TMEM132B: variants seen among roughly 807,000 people sequenced by gnomAD.
TMEM132B encodes the protein transmembrane protein 132B.
TMEM132B carries 18 observed loss-of-function variants against 90.8 expected under a neutral mutation model. The ratio of observed to expected loss-of-function variants is 0.20; its 90% confidence interval spans 0.14 to 0.29. TMEM132B has a LOEUF of 0.29. TMEM132B is among the 10% of genes least tolerant of loss of function. The pLI is 1.00. For missense variants in TMEM132B, 1,096 were observed against 1,326.8 expected (o/e 0.83, Z 2.70); for synonymous variants, 504 against 523.3 (o/e 0.96, Z 0.50).
chr12:125,495,182 C>T (rs1235732201), intron 3 of TMEM132B, among the ~76,000 whole-genome samples: 1 of 135,960 alleles, frequency 7.4e-6, no homozygotes. Flanking sequence ...CCTCTTCCCC[C>T]TCCTCCCTGG....
At chr12:125,497,004 G>C (rs1882579615) in intron 3 of TMEM132B, among the ~76,000 whole-genome samples, 1 of 152,204 alleles carries the variant, frequency 6.6e-6, no homozygotes, top group African/African-American at 2.4e-5. Flanking sequence ...TAACATGGTT[G>C]ATGAAATGCA....
chr12:125,332,592 T>C (rs1255284216), intron 1 of TMEM132B, among the ~76,000 whole-genome samples: 1 of 38,076 alleles, frequency 2.6e-5, no homozygotes, highest in African/African-American at 2.8e-4. Context: ...GCTTTTTTTT[T>C]TTTTTTTTTT....
chr12:125,317,690 T>G (rs1031741244), intron 1 of TMEM132B, among the ~76,000 whole-genome samples: 1 of 152,154 alleles, frequency 6.6e-6, no homozygotes, highest in Non-Finnish European at 1.5e-5. Flanking sequence ...GGGCTGGGCT[T>G]TCACCTGGAG....
At chr12:125,334,373 C>T (rs916301181) in intron 1 of TMEM132B, among the ~76,000 whole-genome samples, 3 of 140,084 alleles carry the variant, frequency 2.1e-5, no homozygotes, top group South Asian at 4.7e-4. Flanking sequence ...CCTCTCCCTT[C>T]GCCTCCTGGT....
chr12:125,377,616 G>C (rs944920756), intron 2 of TMEM132B, among the ~76,000 whole-genome samples: 2 of 152,028 alleles, frequency 1.3e-5, no homozygotes, highest in African/African-American at 2.4e-5. Flanking sequence ...CCTGGCTCAG[G>C]GATCTAATTA....
chr12:125,375,005 C>T (rs1324181346), intron 2 of TMEM132B, among the ~76,000 whole-genome samples: 1 of 152,082 alleles, frequency 6.6e-6, no homozygotes, highest in Non-Finnish European at 1.5e-5. Context: ...GATTTGCTGA[C>T]CATAAGAACT....
chr12:125,642,936 A>ATTTT (rs143813236), intron 5 of TMEM132B, among the ~76,000 whole-genome samples: 1 of 150,916 alleles, frequency 6.6e-6, no homozygotes, highest in South Asian at 2.1e-4. Flanking sequence ...TATTAGTGCC[A>ATTTT]TTTTTTTTTG....
intron 5 of TMEM132B, among the ~76,000 whole-genome samples, chr12:125,630,943 T>C (rs1214205304): frequency 6.6e-6 from 1 of 152,146 alleles, no homozygotes; most frequent in African/African-American, 2.4e-5. Context: ...AAAACAACTT[T>C]TTGTTTCATT....
intron 1 of TMEM132B, among the ~76,000 whole-genome samples, chr12:125,334,687 T>C (rs541688269): frequency 6.6e-6 from 1 of 152,328 alleles, no homozygotes. Context: ...CCATGCACAA[T>C]GGATTCACTG....
chr12:125,409,226 A>G lies in TMEM132B; in HGVS notation c.960-6305A>G, dbSNP rs900028679. 2.0e-5 allele frequency among the ~76,000 whole-genome samples: 3 copies of G among 152,188 alleles called. No homozygotes were observed. The East Asian group carries it at 5.8e-4, about 29-fold the overall frequency. ...CCCTAGAATGCCTGCTGAGCCAGCC[A>G]CAAGGGAAGAGGGACTGAGATAGGC... On this transcript the variant is annotated intron_variant, in intron 2 of 8. Transcript: ENST00000682704.
At chr12:125,609,700 C>G (rs1290689526) in intron 5 of TMEM132B, among the ~76,000 whole-genome samples, 3 of 151,068 alleles carry the variant, frequency 2.0e-5, no homozygotes, top group Admixed American at 6.6e-5. Context: ...GCCTGTAGTC[C>G]CAGCCACTTG....
intron 1 of TMEM132B, among the ~76,000 whole-genome samples, chr12:125,290,178 A>G (rs1875497759): frequency 6.6e-6 from 1 of 152,226 alleles, no homozygotes; most frequent in Non-Finnish European, 1.5e-5. Flanking sequence ...AATTCATTCA[A>G]GTAGCTCATT....
At chr12:125,444,122 C>T (rs1566038264) in intron 3 of TMEM132B, among the ~76,000 whole-genome samples, 2 of 152,176 alleles carry the variant, frequency 1.3e-5, no homozygotes, top group African/African-American at 4.8e-5. Context: ...GAATCTGTAA[C>T]AGGCTAAAAC....
intron 5 of TMEM132B, among the ~76,000 whole-genome samples, chr12:125,633,822 A>C (rs1370711145): frequency 2.0e-5 from 3 of 152,186 alleles, no homozygotes; most frequent in African/African-American, 7.2e-5. Context: ...CTGAGAGTGG[A>C]GTGACATAAG....
chr12:125,597,843 T>C (rs1452851751), intron 5 of TMEM132B, among the ~76,000 whole-genome samples: 1 of 152,182 alleles, frequency 6.6e-6, no homozygotes, highest in East Asian at 1.9e-4. Context: ...GAGAGTTAGG[T>C]GTCCAAGGTC....
intron 8 of TMEM132B, among the ~76,000 whole-genome samples, chr12:125,653,154 T>C (rs1285977775): frequency 6.6e-6 from 1 of 152,216 alleles, no homozygotes; most frequent in African/African-American, 2.4e-5. Context: ...TTCCAGCCAG[T>C]GCATGTTTTG....
intron 1 of TMEM132B, among the ~76,000 whole-genome samples, chr12:125,230,295 G>A (rs1401868598): frequency 6.6e-6 from 1 of 152,144 alleles, no homozygotes; most frequent in Non-Finnish European, 1.5e-5. Context: ...TGGCGCTGCG[G>A]GGAGGGGTGT....
At chr12:125,378,487 G>A (rs1878563248) in intron 2 of TMEM132B, among the ~76,000 whole-genome samples, 1 of 152,238 alleles carries the variant, frequency 6.6e-6, no homozygotes, top group Non-Finnish European at 1.5e-5. Flanking sequence ...CTCAGGCTCT[G>A]CCTGGCTTCA....
chr12:125,488,578 G>A (rs59478002), intron 3 of TMEM132B, among the ~76,000 whole-genome samples: 8,919 of 152,150 alleles, frequency 0.059, 551 homozygotes, highest in African/African-American at 0.16. Flanking sequence ...TTTGCCTGCT[G>A]CCATCCATGT....
Sources: allele counts gnomAD v4.1 joint callset (sites outside exome capture counted in the v4.1 genomes callset), GRCh38; gene constraint gnomAD v4.1.1; transcripts MANE v1.5; gene names NCBI Gene and HGNC (gene_info 2026-07-23, HGNC 2026-07-21).